The following GPATCH2L variants were observed in gnomAD, a reference collection of about 807,000 sequenced individuals.
GPATCH2L encodes G patch domain-containing protein 2-like.
In GPATCH2L, 31 loss-of-function variants were observed where a neutral mutation model predicts 57.4. The observed-to-expected ratio is 0.54, with a 90% CI of 0.41 to 0.73. The LOEUF is 0.73. Ranked by LOEUF, GPATCH2L falls within the 30% of genes least tolerant of loss-of-function variation. The pLI is 0.00. For synonymous variants in GPATCH2L, 199 were observed against 210.7 expected, an observed-to-expected ratio of 0.94 and a Z score of 0.48; for missense variants, 481 against 599.9, an observed-to-expected ratio of 0.80 and a Z score of 2.07.
chr14:76,159,218 C>G (rs151188592), intron 2 of GPATCH2L, among the ~76,000 whole-genome samples: 74 of 152,338 alleles, frequency 4.9e-4, no homozygotes, highest in African/African-American at 1.7e-3. Context: ...TCTTTTCAGT[C>G]ACAGTCTACT....
intron 1 of GPATCH2L, among the ~76,000 whole-genome samples, 196 bp downstream of exon 1, chr14:76,152,187 G>C (rs566005144): frequency 6.6e-5 from 10 of 152,156 alleles, no homozygotes; most frequent in Non-Finnish European, 1.3e-4. Flanking sequence ...CCGTCTCCGG[G>C]GCCACAGCCC....
intron 2 of GPATCH2L, among the ~76,000 whole-genome samples, chr14:76,157,235 C>A (rs940403060): frequency 6.6e-6 from 1 of 152,096 alleles, no homozygotes; most frequent in Non-Finnish European, 1.5e-5. Context: ...GTATTTTTTC[C>A]CCCTGAATCC....
At chr14:76,189,512 T>G (rs2039888118) in intron 8 of GPATCH2L, among the ~76,000 whole-genome samples, 1 of 152,174 alleles carries the variant, frequency 6.6e-6, no homozygotes, top group Non-Finnish European at 1.5e-5. Context: ...TGTTCACTCT[T>G]GGCATATAGA....
chr14:76,229,832 C>G (rs1200985124), exon 2 of GPATCH2L: 1 of 152,138 alleles, frequency 6.6e-6, no homozygotes, highest in Non-Finnish European at 1.5e-5. Context: ...GCCCCCCTGC[C>G]CTGAGACAAC....
At chr14:76,195,006 A>C (rs529534239) in intron 8 of GPATCH2L, among the ~76,000 whole-genome samples, 1 of 152,198 alleles carries the variant, frequency 6.6e-6, no homozygotes, top group South Asian at 2.1e-4. Flanking sequence ...TTCATTAGAG[A>C]AGCAAGATAT....
intron 6 of GPATCH2L, among the ~76,000 whole-genome samples, chr14:76,176,894 G>GT (rs1198356587): frequency 1.3e-5 from 2 of 151,900 alleles, no homozygotes; most frequent in Admixed American, 1.3e-4. Flanking sequence ...TCACTGTATT[G>GT]TTTTTTTATA....
At chr14:76,196,501 CTT>C in intron 9 of GPATCH2L, 1 of 155,652 alleles carries the variant, frequency 6.4e-6, no homozygotes, top group South Asian at 1.3e-4. Context: ...TAGTGCTTCT[CTT>C]TGGTGGGGGG....
chr14:76,164,363 C>G (rs749237592), intron 2 of GPATCH2L, among the ~76,000 whole-genome samples: 23 of 152,166 alleles, frequency 1.5e-4, no homozygotes, highest in Non-Finnish European at 3.1e-4. Context: ...CCTCCACTCA[C>G]TAAATATCAG....
At chr14:76,214,799 GGTCA>G (rs879832453), downstream of GPATCH2L, among the ~76,000 whole-genome samples, 2 of 152,092 alleles carry the variant, frequency 1.3e-5, no homozygotes, top group Non-Finnish European at 2.9e-5. Flanking sequence ...TGCAGCCAAA[GGTCA>G]GTCAGTTTTA....
At chr14:76,187,023 GTGT>G (rs1447410061) in intron 8 of GPATCH2L, among the ~76,000 whole-genome samples, 2 of 93,270 alleles carry the variant, frequency 2.1e-5, no homozygotes, top group Non-Finnish European at 5.2e-5. Flanking sequence ...TAATTGTGAA[GTGT>G]TTTTTTTTTT....
intron 9 of GPATCH2L, among the ~76,000 whole-genome samples, chr14:76,198,798 C>G (rs560117418): frequency 6.6e-6 from 1 of 151,624 alleles, no homozygotes; most frequent in African/African-American, 2.4e-5. Flanking sequence ...GACTGCTTAT[C>G]TGTTTTGTTC....
rs144422821 is a variant in GPATCH2L, at chr14:76,171,925, T to G, written c.810T>G (p.Ala270=). ...FTVPNLLPKW[A]PDHCSEVERM... is the part of the protein sequence containing the mutation. ...TCCCTAATCTTCTGCCCAAGTGGGCTCCTGATCATTGTTCTGAAGTAGAAA... is the reference window on the plus strand; with the variant it reads ...TCCCTAATCTTCTGCCCAAGTGGGCGCCTGATCATTGTTCTGAAGTAGAAA... Residue 270 remains alanine, a synonymous_variant, in exon 4 of 10, where the codon GCT becomes GCG. Coordinates refer to ENST00000261530, the MANE Select transcript of GPATCH2L (RefSeq NM_017926.4). The G allele has an allele frequency of 1.9e-6, 3 of 1,607,900 alleles. No homozygotes were observed. In the African/African-American group the frequency reaches 4.0e-5, roughly 21 times the overall value.
chr14:76,174,406 G>A (rs2039229916), intron 5 of GPATCH2L: 1 of 152,218 alleles, frequency 6.6e-6, no homozygotes, highest in African/African-American at 2.4e-5. Context: ...GAATAAGGAA[G>A]GGAGAGGCAT....
intron 8 of GPATCH2L, among the ~76,000 whole-genome samples, chr14:76,193,491 T>G (rs1250263275): frequency 6.6e-6 from 1 of 152,200 alleles, no homozygotes; most frequent in African/African-American, 2.4e-5. Context: ...ACTCAGCATA[T>G]TGTAAACTGT....
At chr14:76,214,840 C>A (rs1052898414), downstream of GPATCH2L, among the ~76,000 whole-genome samples, 1 of 152,154 alleles carries the variant, frequency 6.6e-6, no homozygotes, top group Admixed American at 6.5e-5. Context: ...TAATCTAAGC[C>A]CTAAAACCAT....
chr14:76,170,218 C>T (rs1044482929), intron 3 of GPATCH2L, among the ~76,000 whole-genome samples: 1 of 152,164 alleles, frequency 6.6e-6, no homozygotes, highest in Non-Finnish European at 1.5e-5. Flanking sequence ...GTGTTAATGA[C>T]CCATGAATCT....
intron 1 of GPATCH2L, among the ~76,000 whole-genome samples, chr14:76,225,694 T>C (rs1413313275): frequency 1.3e-5 from 2 of 152,166 alleles, no homozygotes; most frequent in African/African-American, 4.8e-5. Context: ...TAGGAGATTA[T>C]ACCTGCAACA....
At chr14:76,168,876 C>G (rs890338409) in intron 3 of GPATCH2L, among the ~76,000 whole-genome samples, 11 of 152,238 alleles carry the variant, frequency 7.2e-5, no homozygotes, top group Non-Finnish European at 1.6e-4. Flanking sequence ...TTCCCTGACA[C>G]CTTTTCTGTT....
intron 8 of GPATCH2L, among the ~76,000 whole-genome samples, chr14:76,181,817 G>T (rs528736322): frequency 1.3e-5 from 2 of 152,300 alleles, no homozygotes; most frequent in African/African-American, 2.4e-5. Flanking sequence ...GTGGCACAAA[G>T]AATTTCTTTC....
Sources: gnomAD v4.1 joint callset for allele counts (sites outside exome capture counted in the v4.1 genomes callset) on GRCh38, gnomAD v4.1.1 for gene constraint, MANE v1.5 for transcripts, NCBI Gene and HGNC (gene_info 2026-07-23, HGNC 2026-07-21) for gene names.